ZHX3: variants seen among roughly 807,000 people sequenced by gnomAD.
ZHX3 encodes zinc fingers and homeoboxes 3.
ZHX3 carries 20 observed loss-of-function variants against 64.5 expected under a neutral mutation model. The observed-to-expected ratio is 0.31, with a 90% CI of 0.22 to 0.45. The LOEUF is 0.45. Ranked by LOEUF, ZHX3 falls within the 20% of genes least tolerant of loss-of-function variation. The pLI, the probability that ZHX3 is intolerant of heterozygous loss-of-function variation, is 1.00. For synonymous variants in ZHX3, 423 were observed against 461.6 expected (o/e 0.92, Z 1.07); for missense variants, 1,041 against 1,195.8 (o/e 0.87, Z 1.91).
chr20:41,311,063 C>T (rs1366038223), intron 1 of ZHX3, among the ~76,000 whole-genome samples: 2 of 152,138 alleles, frequency 1.3e-5, no homozygotes, highest in Non-Finnish European at 1.5e-5. Context: ...CCGCCTAGGC[C>T]TCCCAAAGTG....
intron 2 of ZHX3, among the ~76,000 whole-genome samples, chr20:41,208,308 A>G (rs2038889507): frequency 6.6e-6 from 1 of 152,242 alleles, no homozygotes; most frequent in Non-Finnish European, 1.5e-5. Context: ...TCCAATCCAC[A>G]GAAAAAGAGG....
intron 3 of ZHX3, among the ~76,000 whole-genome samples, chr20:41,193,691 T>TG (rs1488634002): frequency 2.7e-5 from 4 of 145,950 alleles, no homozygotes; most frequent in East Asian, 2.0e-4. Flanking sequence ...CAAGTTTTTT[T>TG]TTTGTTGTTG....
chr20:41,304,691 A>T (rs2044923100), intron 1 of ZHX3, among the ~76,000 whole-genome samples: 2 of 152,214 alleles, frequency 1.3e-5, no homozygotes, highest in Admixed American at 1.3e-4. Context: ...TTTTGGGCAG[A>T]CCAGCAGGCT....
At chr20:41,208,158 T>C (rs1600780331) in intron 2 of ZHX3, among the ~76,000 whole-genome samples, 1 of 152,224 alleles carries the variant, frequency 6.6e-6, no homozygotes, top group African/African-American at 2.4e-5. Context: ...GTTGAATCCC[T>C]GAATACACCA....
At chr20:41,276,123 A>G (rs571085135) in intron 1 of ZHX3, among the ~76,000 whole-genome samples, 1 of 152,286 alleles carries the variant, frequency 6.6e-6, no homozygotes, top group Admixed American at 6.5e-5. Context: ...TCAAACCCAG[A>G]GCTGAGAATT....
intron 1 of ZHX3, among the ~76,000 whole-genome samples, chr20:41,293,336 T>A (rs1264967811): frequency 6.6e-6 from 1 of 152,332 alleles, no homozygotes; most frequent in East Asian, 1.9e-4. Flanking sequence ...TTTAGAGGAT[T>A]ATTGTCAGTT....
rs1053631111 is a variant in ZHX3, at chr20:41,180,352, G to A, written c.*4839C>T. 6.6e-6 allele frequency: 1 copy of A among 152,474 alleles called. No homozygotes were observed. Among genetic ancestry groups the A allele is most frequent in the Admixed American group, 6.5e-5 (1 of 15,284 alleles). The allele number at this position is 152,474 out of a possible 1,614,324, so 9.4% of individuals were successfully genotyped here. Reference sequence around the variant, plus strand: ...AGAACTTTCAGAAATTGAGGAAGGGGGTGCTTTCCCCTGTCCTTGTCCATA... The same window carrying A: ...AGAACTTTCAGAAATTGAGGAAGGGAGTGCTTTCCCCTGTCCTTGTCCATA... On this transcript the variant is annotated 3_prime_UTR_variant, in exon 4 of 4. Coordinates refer to ENST00000683867, the MANE Select transcript of ZHX3 (RefSeq NM_001384317.1).
intron 2 of ZHX3, among the ~76,000 whole-genome samples, chr20:41,233,296 T>C (rs1351468247): frequency 6.6e-6 from 1 of 152,238 alleles, no homozygotes; most frequent in Non-Finnish European, 1.5e-5. Context: ...TATGTTGTGG[T>C]GTATACACCC....
chr20:41,258,800 C>A (rs1307785416), intron 2 of ZHX3, among the ~76,000 whole-genome samples: 1 of 152,078 alleles, frequency 6.6e-6, no homozygotes, highest in Non-Finnish European at 1.5e-5. Flanking sequence ...TTAATTAACA[C>A]GTTGAGGTAG....
At chr20:41,288,432 C>T (rs567323914) in intron 1 of ZHX3, among the ~76,000 whole-genome samples, 1 of 152,318 alleles carries the variant, frequency 6.6e-6, no homozygotes, top group Admixed American at 6.5e-5. Flanking sequence ...ACAGTAGTCA[C>T]TTAATAAATA....
At chr20:41,305,792 TATAAATAA>T (rs545664258) in intron 1 of ZHX3, among the ~76,000 whole-genome samples, 2 of 151,452 alleles carry the variant, frequency 1.3e-5, no homozygotes, top group African/African-American at 2.4e-5. Flanking sequence ...TCAAAAAAAA[TATAAATAA>T]ATAAATAAAT....
intron 2 of ZHX3, among the ~76,000 whole-genome samples, chr20:41,241,990 T>C (rs988964130): frequency 2.0e-5 from 3 of 151,696 alleles, no homozygotes; most frequent in Non-Finnish European, 4.4e-5. Context: ...TGAGTGTGCA[T>C]GTGTGTGTGT....
intron 2 of ZHX3, among the ~76,000 whole-genome samples, chr20:41,217,213 C>G (rs142432666): frequency 6.6e-6 from 1 of 152,106 alleles, no homozygotes; most frequent in Non-Finnish European, 1.5e-5. Flanking sequence ...GTTGGTGATG[C>G]ACACTCGAAT....
intron 2 of ZHX3, among the ~76,000 whole-genome samples, chr20:41,222,365 A>G (rs1250990779): frequency 1.3e-5 from 2 of 152,222 alleles, no homozygotes; most frequent in Admixed American, 6.5e-5. Context: ...AAGCTTTGTG[A>G]AAAAAGCAAA....
intron 2 of ZHX3, among the ~76,000 whole-genome samples, chr20:41,248,742 G>A (rs928310242): frequency 3.3e-5 from 5 of 152,156 alleles, no homozygotes; most frequent in African/African-American, 1.2e-4. Context: ...CTTTTGCAGT[G>A]TTTGACGATG....
In ZHX3 at chr20:41,195,249, G is replaced by A. The variant is rs983262043; in HGVS notation, c.2860+6808C>T. Among the ~76,000 whole-genome samples the A allele has an allele frequency of 6.6e-6, 1 of 152,044 alleles. No individual in the cohort carries two copies. The highest frequency in any genetic ancestry group is 1.5e-5 in the Non-Finnish European group (1 of 68,020). On this transcript the variant is annotated intron_variant, in intron 3 of 3. Coordinates refer to ENST00000683867, the MANE Select transcript of ZHX3 (RefSeq NM_001384317.1). This position sits in a 1 kb window ranked among gnomAD's most constrained non-coding sequence, Gnocchi z 4.2. ...TCCCACCCCAGACACCTGAGTAGCT[G>A]GCACTACAGGAACATGCCACCACAC...
chr20:41,220,227 T>G (rs78706459), intron 2 of ZHX3, among the ~76,000 whole-genome samples: 1 of 152,288 alleles, frequency 6.6e-6, no homozygotes, highest in South Asian at 2.1e-4. Context: ...TAAGGCCTCA[T>G]AGAGGAGGTT....
At chr20:41,310,196 T>C (rs2045090101) in intron 1 of ZHX3, among the ~76,000 whole-genome samples, 1 of 152,158 alleles carries the variant, frequency 6.6e-6, no homozygotes, top group African/African-American at 2.4e-5. Flanking sequence ...TCTTTGCTCC[T>C]AAAACCAGGC....
intron 1 of ZHX3, among the ~76,000 whole-genome samples, chr20:41,289,749 A>T (rs1406237369): frequency 6.6e-6 from 1 of 151,330 alleles, no homozygotes; most frequent in Admixed American, 6.6e-5. Context: ...TCTGGCCCCT[A>T]GATTACAAAT....
Sources: gnomAD v4.1 joint callset for allele counts (sites outside exome capture counted in the v4.1 genomes callset) on GRCh38, gnomAD v4.1.1 for gene constraint, Gnocchi (gnomAD v3.1) non-coding constraint, MANE v1.5 for transcripts, NCBI Gene and HGNC (gene_info 2026-07-23, HGNC 2026-07-21) for gene names.